PCLO: variants seen among roughly 807,000 people sequenced by gnomAD.
PCLO encodes piccolo presynaptic cytomatrix protein, also known as protein piccolo.
In PCLO, 82 loss-of-function variants were observed where a neutral mutation model predicts 427.5. That is an observed-to-expected ratio of 0.19 (90% CI 0.16 to 0.23). PCLO has a LOEUF of 0.23. Ranked by LOEUF, PCLO falls within the 10% of genes least tolerant of loss-of-function variation. The pLI is 1.00. For missense variants in PCLO, 6,239 were observed against 6,115.9 expected (o/e 1.02, Z -0.67); for synonymous variants, 2,357 against 2,155.4 (o/e 1.09, Z -2.59).
At chr7:82,788,016 C>T (rs6948464) in intron 22 of PCLO, among the ~76,000 whole-genome samples, 54,485 of 151,492 alleles carry the variant, frequency 0.36, 10,372 homozygotes, top group African/African-American at 0.46. Context: ...TTTCCACCAA[C>T]TAAAATAGAA....
intron 10 of PCLO, among the ~76,000 whole-genome samples, chr7:82,872,897 T>A (rs1280302651): frequency 6.6e-6 from 1 of 152,100 alleles, no homozygotes; most frequent in African/African-American, 2.4e-5. Flanking sequence ...TGGCAAGATA[T>A]TCTTTAAATA....
At chr7:83,138,677 A>C (rs1420579399) in intron 2 of PCLO, among the ~76,000 whole-genome samples, 1 of 152,064 alleles carries the variant, frequency 6.6e-6, no homozygotes, top group Non-Finnish European at 1.5e-5. Context: ...AAGCAGCAGC[A>C]AATATCCCTG....
At chr7:82,767,512 T>C in intron 22 of PCLO, among the ~76,000 whole-genome samples, 1 of 152,108 alleles carries the variant, frequency 6.6e-6, no homozygotes, top group South Asian at 2.1e-4. Flanking sequence ...AACATCATGG[T>C]ACAAAATGAG....
At chr7:82,902,600 A>T in intron 9 of PCLO, 51 bp downstream of exon 9, 1 of 1,058,662 alleles carries the variant, frequency 9.4e-7, no homozygotes, top group Non-Finnish European at 1.4e-6. Flanking sequence ...AAAACAAAAC[A>T]AAACAAAACA....
intron 6 of PCLO, among the ~76,000 whole-genome samples, chr7:82,917,411 G>A (rs984004091): frequency 6.6e-6 from 1 of 151,818 alleles, no homozygotes; most frequent in Admixed American, 6.6e-5. Flanking sequence ...TTATCCTGCA[G>A]TATAGTTTCT....
At chr7:82,891,341 T>G (rs1040180083) in intron 9 of PCLO, among the ~76,000 whole-genome samples, 2 of 151,974 alleles carry the variant, frequency 1.3e-5, no homozygotes, top group African/African-American at 4.8e-5. Flanking sequence ...AGGTAAGAAT[T>G]CTGTTGGTGT....
intron 3 of PCLO, among the ~76,000 whole-genome samples, chr7:83,088,853 T>A (rs1790305469): frequency 1.3e-5 from 2 of 152,118 alleles, no homozygotes; most frequent in South Asian, 4.2e-4. Context: ...CATCTCAATC[T>A]TTTCTAGGCT....
intron 3 of PCLO, among the ~76,000 whole-genome samples, chr7:83,007,521 C>T (rs1476542394): frequency 1.3e-5 from 2 of 151,554 alleles, no homozygotes; most frequent in African/African-American, 4.8e-5. Flanking sequence ...TAGGGAATCA[C>T]TTTGGCAACT....
chr7:82,908,893 C>T lies in PCLO; in HGVS notation c.13421G>A (p.Ser4474Asn). Residue 4474 changes from serine to asparagine, a missense_variant, in exon 8 of 25, where the codon AGT (serine) becomes AAT (asparagine). Ser to Asn is a conservative substitution (Grantham distance 46). Transcript: ENST00000333891. ...AGCACTTACTTGCTCTTGATGTTGA[C>T]TGAGTGGTCTAGAGTGGACCAATCT... is the stretch of plus-strand genomic sequence containing the variant. ...PERLVHSRPL[S>N]QHQEQIIQMN... The T allele has an allele frequency of 6.2e-7, 1 of 1,612,246 alleles. No individual in the cohort carries two copies. Among genetic ancestry groups the T allele is most frequent in the Non-Finnish European group, 8.5e-7 (1 of 1,178,910 alleles).
chr7:82,874,323 G>A (rs1793316532), intron 10 of PCLO, among the ~76,000 whole-genome samples: 1 of 152,056 alleles, frequency 6.6e-6, no homozygotes, highest in Non-Finnish European at 1.5e-5. Flanking sequence ...CAGTGCAGGG[G>A]CACAATCTCG....
intron 2 of PCLO, among the ~76,000 whole-genome samples, chr7:83,151,503 A>C (rs997149482): frequency 6.6e-6 from 1 of 152,226 alleles, no homozygotes; most frequent in African/African-American, 2.4e-5. Flanking sequence ...TGCCATTGTA[A>C]CAGAAAGTGT....
Position 82,916,634 on chromosome 7 carries a change from T to C in PCLO, c.11352A>G (p.Gln3784=). Reference sequence around the variant, plus strand: ...CCTTTTCTTCTTCATCAAGCTCTGCTTGTTTCTTTCGAAGTTTTGCAGACT... The same window carrying C: ...CCTTTTCTTCTTCATCAAGCTCTGCCTGTTTCTTTCGAAGTTTTGCAGACT... ...ERESAKLRKK[Q]AELDEEEKEI... The change falls in exon 7 of 25, where the codon CAA becomes CAG. Residue 3784 remains glutamine (Q), a synonymous_variant. Transcript: ENST00000333891. The C allele has an allele frequency of 6.2e-7, 1 of 1,613,696 alleles. No homozygotes were observed. Among genetic ancestry groups the C allele is most frequent in the Middle Eastern group, 1.7e-4 (1 of 6,058 alleles).
chr7:82,807,696 G>A (rs1430375308), intron 20 of PCLO, among the ~76,000 whole-genome samples: 8 of 152,078 alleles, frequency 5.3e-5, no homozygotes, highest in Middle Eastern at 3.4e-3. Flanking sequence ...ATCCCTTCCC[G>A]AGAATAGGGA....
At chr7:83,004,049 T>G in intron 3 of PCLO, among the ~76,000 whole-genome samples, 1 of 151,702 alleles carries the variant, frequency 6.6e-6, no homozygotes, top group East Asian at 1.9e-4. Flanking sequence ...TCATAATTTC[T>G]ACGAAGTCAT....
intron 3 of PCLO, among the ~76,000 whole-genome samples, chr7:83,072,173 T>C (rs988777633): frequency 1.3e-5 from 2 of 152,100 alleles, no homozygotes; most frequent in African/African-American, 2.4e-5. Context: ...TCTGTTGTTA[T>C]TTCTAGCAAC....
Position 83,155,192 on chromosome 7 carries a change from C to A in PCLO, c.1449G>T (p.Gln483His), listed in dbSNP as rs747571800. Residue 483 changes from glutamine (Q) to histidine (H), a missense_variant, in exon 2 of 25, where the codon CAG (glutamine) becomes CAT (histidine). Gln to His is a conservative substitution (Grantham distance 24). This residue lies in a region of PCLO where 4,677 missense variants were observed against 4,468.4 expected (regional missense o/e 1.05). Transcript: ENST00000333891. The stretch of plus-strand genomic sequence containing the variant: ...GAGGTGGGGGCTTTGCTGGGCCAGG[C>A]TGTTGAGGTGGGGGCTTTGCTGGGC... ...LPGPAKPPPQ[Q>H]PGPAKPPPQQ... 6 of 1,609,586 alleles carry A rather than the reference C, an allele frequency of 3.7e-6. No homozygotes were observed. The highest frequency in any genetic ancestry group is 5.1e-6 in the Non-Finnish European group (6 of 1,178,798).
rs373543182 is a variant in PCLO at position 83,065,556 on chromosome 7, CA to C, written c.3300+68693del. ...GCTTTAAACTATCTGTTGAAGATTC[CA>C]AAAAGAGAACTGAACTTCTCTCCTG... On this transcript the variant is annotated intron_variant, in intron 3 of 24. Coordinates refer to ENST00000333891, the MANE Select transcript of PCLO (RefSeq NM_033026.6). Among the ~76,000 whole-genome samples, 1,484 of 149,736 alleles carry C rather than the reference CA, an allele frequency of 9.9e-3. 29 individuals are homozygous for C. Among genetic ancestry groups the C allele is most frequent in the African/African-American group, 0.035 (1,419 of 40,794 alleles).
At position 82,758,664 on chromosome 7, in the gene PCLO, C is replaced by T; in HGVS notation, c.15340G>A (p.Glu5114Lys). 6.2e-7 allele frequency: 1 copy of T among 1,608,334 alleles called. No homozygotes were observed. The highest frequency in any genetic ancestry group is 8.5e-7 in the Non-Finnish European group (1 of 1,175,470). ...ACTTTGTCAAGCCAGATACAGGCTT[C>T]ACCAATCAAGGTCTTTTTCATAAAC... ...GKFMKKTLIG[E>K]ACIWLDKVDL... is the part of the protein sequence containing the mutation. The change falls in exon 25 of 25, where the codon GAA (glutamate) becomes AAA (lysine). Residue 5114 changes from glutamate to lysine, a missense_variant. Coordinates refer to ENST00000333891, the MANE Select transcript of PCLO (RefSeq NM_033026.6).
At chr7:82,832,800 T>TACAC (rs10645073) in intron 16 of PCLO, among the ~76,000 whole-genome samples, 13,459 of 140,516 alleles carry the variant, frequency 0.096, 890 homozygotes, top group African/African-American at 0.2. Flanking sequence ...CTAAACTTAC[T>TACAC]ACACACACAC....
Sources: allele counts gnomAD v4.1 joint callset (sites outside exome capture counted in the v4.1 genomes callset), GRCh38; gene constraint gnomAD v4.1.1; regional missense constraint gnomAD v4.1.1; transcripts MANE v1.5; gene names NCBI Gene and HGNC (gene_info 2026-07-23, HGNC 2026-07-21).